TTLL13: variants seen among roughly 807,000 people sequenced by gnomAD.
The protein encoded by TTLL13 is tubulin polyglutamylase TTLL13.
chr15:90,262,767 CAA>C, the TTLL13 span: 13 of 1,258,268 alleles, frequency 1.0e-5, no homozygotes, highest in Non-Finnish European at 1.3e-5. Flanking sequence ...TCCCCATGCA[CAA>C]GAGAGAGAGG....
At chr15:90,253,305 A>C in the TTLL13 span, 2 of 1,613,616 alleles carry the variant, frequency 1.2e-6, no homozygotes, top group Non-Finnish European at 1.7e-6. Context: ...TGAAGAGTGG[A>C]CTCTGTACTG....
the TTLL13 span, chr15:90,259,077 A>G: frequency 6.2e-6 from 9 of 1,457,682 alleles, no homozygotes; most frequent in South Asian, 1.1e-4. Context: ...TAAAAAAATC[A>G]CAGGACCAGG....
the TTLL13 span, chr15:90,258,869 G>T: frequency 1.2e-6 from 2 of 1,614,192 alleles, no homozygotes; most frequent in Non-Finnish European, 1.7e-6. Flanking sequence ...GATGGAGGAG[G>T]ATAAGCGGCG....
the TTLL13 span, chr15:90,258,916 A>G: frequency 1.9e-6 from 3 of 1,614,092 alleles, no homozygotes; most frequent in African/African-American, 4.0e-5. Flanking sequence ...ACCGACAGCC[A>G]CGAGAATCTA....
chr15:90,264,427 T>C, the TTLL13 span, among the ~76,000 whole-genome samples: 1 of 152,158 alleles, frequency 6.6e-6, no homozygotes, highest in African/African-American at 2.4e-5. Flanking sequence ...TGAATCAGTC[T>C]CCCAAAGTGC....
the TTLL13 span, chr15:90,261,978 CTT>C: frequency 6.6e-7 from 1 of 1,514,130 alleles, no homozygotes; most frequent in East Asian, 2.5e-5. Flanking sequence ...CAGCCCTACT[CTT>C]GACTCACTGA....
At chr15:90,249,733 T>A in the TTLL13 span, 1 of 152,188 alleles carries the variant, frequency 6.6e-6, no homozygotes, top group Non-Finnish European at 1.5e-5. Context: ...AGAGGGGACA[T>A]GAGCGGCCAG....
chr15:90,256,585 C>CT, the TTLL13 span, among the ~76,000 whole-genome samples: 2 of 34,624 alleles, frequency 5.8e-5, no homozygotes, highest in Admixed American at 4.2e-4. Flanking sequence ...TTCTTTCTTT[C>CT]TTTCTTTCTT....
the TTLL13 span, among the ~76,000 whole-genome samples, chr15:90,260,886 G>T: frequency 2.6e-5 from 4 of 151,198 alleles, no homozygotes; most frequent in South Asian, 8.3e-4. Flanking sequence ...AGAAAGGAAG[G>T]AAGGAAGGAA....
the TTLL13 span, chr15:90,255,651 T>A: frequency 3.5e-5 from 54 of 1,537,028 alleles, no homozygotes; most frequent in Admixed American, 4.8e-4. Flanking sequence ...CCACTGTGAC[T>A]TCTCCCTTAA....
the TTLL13 span, chr15:90,255,731 T>C: frequency 6.2e-7 from 1 of 1,614,096 alleles, no homozygotes; most frequent in East Asian, 2.2e-5. Context: ...CTCTGGGGGC[T>C]CATACTAACT....
At chr15:90,257,431 G>C in the TTLL13 span, 20 of 1,252,750 alleles carry the variant, frequency 1.6e-5, no homozygotes, top group South Asian at 1.5e-4. Context: ...GCAAGTGTTT[G>C]GTAGGTGGTG....
the TTLL13 span, among the ~76,000 whole-genome samples, chr15:90,250,190 C>T: frequency 6.6e-6 from 1 of 151,998 alleles, no homozygotes; most frequent in Admixed American, 6.6e-5. Context: ...AACTCCAGAC[C>T]TCAAGTGATC....
At chr15:90,261,877 C>A in the TTLL13 span, 1 of 696,676 alleles carries the variant, frequency 1.4e-6, no homozygotes, top group Non-Finnish European at 2.2e-6. Context: ...TGGCAGCTTT[C>A]CCTACTTGGG....
the TTLL13 span, among the ~76,000 whole-genome samples, chr15:90,260,977 C>T: frequency 6.6e-6 from 1 of 152,062 alleles, no homozygotes. Flanking sequence ...GATTCATGCT[C>T]ATAATCAACA....
At chr15:90,251,719 C>A in the TTLL13 span, 1 of 1,005,394 alleles carries the variant, frequency 9.9e-7, no homozygotes, top group Non-Finnish European at 1.6e-6. Flanking sequence ...TTGCCTCTAA[C>A]CTGTACTGAG....
chr15:90,263,985 C>T, the TTLL13 span: 1 of 1,536,092 alleles, frequency 6.5e-7, no homozygotes, highest in Non-Finnish European at 8.7e-7. Context: ...CGGCAGCCAT[C>T]AACTCCTGTT....
the TTLL13 span, chr15:90,250,619 G>C: frequency 1.2e-6 from 2 of 1,610,856 alleles, no homozygotes; most frequent in South Asian, 2.2e-5. Context: ...CAACCCCTCA[G>C]AATCTGAGAG....
chr15:90,257,758 C>A, the TTLL13 span: 1 of 1,595,472 alleles, frequency 6.3e-7, no homozygotes, highest in Non-Finnish European at 8.6e-7. Flanking sequence ...CTTCCTCTGC[C>A]CCTTAGCCCC....
Sources: gnomAD v4.1 joint callset for allele counts (sites outside exome capture counted in the v4.1 genomes callset) on GRCh38, gnomAD v4.1.1 for gene constraint, MANE v1.5 for transcripts, NCBI Gene and HGNC (gene_info 2026-07-23, HGNC 2026-07-21) for gene names.